The following S100A5 variants were observed in gnomAD, a reference collection of about 807,000 sequenced individuals.
S100A5 encodes protein S100-A5.
In S100A5, 5 loss-of-function variants were observed where a neutral mutation model predicts 6.7. The ratio of observed to expected loss-of-function variants is 0.75; its 90% CI spans 0.39 to 1.57. The LOEUF is 1.57. Ranked by LOEUF, S100A5 falls within the 40% of genes most tolerant of loss-of-function variation. S100A5 has a pLI of 0.03. For synonymous variants in S100A5, 49 were observed against 44.9 expected, an observed-to-expected ratio of 1.09 and a Z score of -0.37; for missense variants, 129 against 110.8, an observed-to-expected ratio of 1.16 and a Z score of -0.74.
At position 153,537,448 on chromosome 1, in the gene S100A5, C is replaced by G. The variant is rs770185092; in HGVS notation, c.139-12G>C. The G allele has an allele frequency of 3.1e-6, 5 of 1,613,580 alleles. No individual in the cohort carries two copies. Among genetic ancestry groups the G allele is most frequent in the Non-Finnish European group, 4.2e-6 (5 of 1,179,852 alleles). ...CTGCTCTCCTTCATCTTTTGTGGAC[C>G]CAGGTGGAGAGACAGCTCAGACCCC... On this transcript the variant is annotated splice_polypyrimidine_tract_variant and intron_variant, in intron 2 of 2. Coordinates refer to ENST00000368717, the MANE Select transcript of S100A5 (RefSeq NM_001394232.1).
At chr1:153,540,996 C>T (rs141328557), upstream of S100A5, among the ~76,000 whole-genome samples, 4 of 152,320 alleles carry the variant, frequency 2.6e-5, no homozygotes, top group African/African-American at 7.2e-5. Flanking sequence ...AGGCAACACC[C>T]ACGGAACTTG....
At chr1:153,539,424 CAAAAAAAAAAAAAAAA>C (rs149327889) in intron 2 of S100A5, among the ~76,000 whole-genome samples, 9 of 35,138 alleles carry the variant, frequency 2.6e-4, no homozygotes, top group African/African-American at 8.8e-4. Context: ...GAGACTCTCT[CAAAAAAAAAAAAAAAA>C]AAAAAAAAAA....
At chr1:153,539,450 A>AAAAAAAAATATAT (rs1553214691) in intron 2 of S100A5, among the ~76,000 whole-genome samples, 1 of 31,196 alleles carries the variant, frequency 3.2e-5, no homozygotes, top group African/African-American at 1.1e-4. Context: ...AAAAAAAAAA[A>AAAAAAAAATATAT]ATATATATAT....
At chr1:153,543,528 T>A, upstream of S100A5, 1 of 526,494 alleles carries the variant, frequency 1.9e-6, no homozygotes, top group South Asian at 2.6e-5. Context: ...CCATAAAACT[T>A]CAGCTCAACT....
At chr1:153,538,692 T>C (rs1665271671) in intron 2 of S100A5, among the ~76,000 whole-genome samples, 1 of 152,148 alleles carries the variant, frequency 6.6e-6, no homozygotes, top group Non-Finnish European at 1.5e-5. Context: ...GTGTGATAGA[T>C]GGAGAGGCAC....
Position 153,537,455 on chromosome 1 carries a change from G to T in S100A5, c.139-19C>A. ...CCTTCATCTTTTGTGGACCCAGGTG[G>T]AGAGACAGCTCAGACCCCGCTCCCA... is the stretch of plus-strand genomic sequence containing the variant. On this transcript the variant is annotated intron_variant, in intron 2 of 2. Coordinates refer to ENST00000368717, the MANE Select transcript of S100A5 (RefSeq NM_001394232.1). 1.2e-6 allele frequency: 2 copies of T among 1,613,502 alleles called. No individual in the cohort carries two copies. Among genetic ancestry groups the T allele is most frequent in the African/African-American group, 1.3e-5 (1 of 75,002 alleles).
At chr1:153,542,447 G>C (rs1253560873), upstream of S100A5, among the ~76,000 whole-genome samples, 1 of 152,188 alleles carries the variant, frequency 6.6e-6, no homozygotes, top group African/African-American at 2.4e-5. Context: ...GGATGGAGAG[G>C]GCAGCGGAAG....
chr1:153,541,458 C>T (rs1356597985), upstream of S100A5: 1 of 1,367,554 alleles, frequency 7.3e-7, no homozygotes, highest in African/African-American at 1.5e-5. Flanking sequence ...CCTTTATTTC[C>T]CTGATCTCTG....
chr1:153,540,229 C>A, intron 1 of S100A5, 24 bp from the exon 2 acceptor site: 1 of 1,612,616 alleles, frequency 6.2e-7, no homozygotes, highest in South Asian at 1.1e-5. Flanking sequence ...GGGGAAGATC[C>A]CATTCCTCAG....
rs774141022 is a variant in S100A5 at position 153,540,163 on chromosome 1, G to A, written c.29C>T (p.Thr10Ile). The change falls in exon 2 of 3, where the codon ACC (threonine) becomes ATC (isoleucine). Residue 10 changes from threonine (T) to isoleucine (I), a missense_variant. Transcript: ENST00000368717. Reference sequence around the variant, plus strand: ...TTTGTGAAACGTGGTCACCATAGTGGTCAGGGCCTTCTCCAGAGGAGTCTC... The same window carrying A: ...TTTGTGAAACGTGGTCACCATAGTGATCAGGGCCTTCTCCAGAGGAGTCTC... METPLEKAL[T>I]TMVTTFHKYS... The A allele has an allele frequency of 6.8e-6, 11 of 1,613,978 alleles. 1 individual carries two copies. The South Asian group carries it at 1.2e-4, about 18-fold the overall frequency.
rs1385387949 is a variant in S100A5 at position 153,540,934 on chromosome 1, T to G, written c.-328A>C. ...ACCCTCAGCCAAGGGAAGAGACAGATGGAGCTCAAGTGACTCAGACTCAAA... is the reference window on the plus strand; with the variant it reads ...ACCCTCAGCCAAGGGAAGAGACAGAGGGAGCTCAAGTGACTCAGACTCAAA... On this transcript the variant is annotated 5_prime_UTR_variant, in exon 1 of 3. Coordinates refer to ENST00000368717, the MANE Select transcript of S100A5 (RefSeq NM_001394232.1). Among the ~76,000 whole-genome samples, 1 of 152,120 alleles carries G rather than the reference T, an allele frequency of 6.6e-6. No homozygotes were observed. Among genetic ancestry groups the G allele is most frequent in the Non-Finnish European group, 1.5e-5 (1 of 68,022 alleles).
intron 2 of S100A5, among the ~76,000 whole-genome samples, chr1:153,539,442 A>G (rs1443390333): frequency 8.9e-6 from 1 of 112,482 alleles, no homozygotes; most frequent in Non-Finnish European, 1.7e-5. Flanking sequence ...AAAAAAAAAA[A>G]AAAAAAAAAT....
Position 153,540,119 on chromosome 1 carries a change from T to C in S100A5, c.73A>G (p.Ser25Gly), listed in dbSNP as rs1665336082. The change falls in exon 2 of 3, where the codon AGC (serine) becomes GGC (glycine). Residue 25 changes from serine to glycine, a missense_variant. Transcript: ENST00000368717. ...TCCTTCCTACTCAGGGTCAGTTTGCTACCCTCTCTCCCCGAATATTTGTGA... is the reference window on the plus strand; with the variant it reads ...TCCTTCCTACTCAGGGTCAGTTTGCCACCCTCTCTCCCCGAATATTTGTGA... Reference protein sequence around the residue: ...TFHKYSGREGSKLTLSRKELK... With the variant: ...TFHKYSGREGGKLTLSRKELK... The C allele has an allele frequency of 1.6e-5, 26 of 1,614,066 alleles. No individual in the cohort carries two copies. In the East Asian group the frequency reaches 5.8e-4, roughly 36 times the overall value.
upstream of S100A5, chr1:153,543,389 C>A: frequency 1.5e-6 from 1 of 684,688 alleles, no homozygotes; most frequent in Non-Finnish European, 1.8e-6. Flanking sequence ...CTGGGACCTT[C>A]CAAACCTTGG....
intron 2 of S100A5, among the ~76,000 whole-genome samples, chr1:153,539,165 C>T (rs1340750109): frequency 3.3e-5 from 5 of 151,408 alleles, no homozygotes; most frequent in South Asian, 2.1e-4. Flanking sequence ...CAGTGGCTCA[C>T]GCCTGTAATC....
upstream of S100A5, chr1:153,541,461 G>A (rs751728791): frequency 7.3e-7 from 1 of 1,367,580 alleles, no homozygotes; most frequent in Non-Finnish European, 9.8e-7. Context: ...TTATTTCCCT[G>A]ATCTCTGTCC....
chr1:153,543,457 G>T (rs1665451280), upstream of S100A5, among the ~76,000 whole-genome samples: 1 of 152,002 alleles, frequency 6.6e-6, no homozygotes, highest in African/African-American at 2.4e-5. Context: ...GAACTCTATT[G>T]CCTGTGCACA....
upstream of S100A5, chr1:153,543,212 C>T: frequency 1.0e-6 from 1 of 985,386 alleles, no homozygotes; most frequent in Admixed American, 6.1e-5. Flanking sequence ...CCCTGCAACT[C>T]AGCCTTATTC....
intron 2 of S100A5, among the ~76,000 whole-genome samples, chr1:153,537,692 C>T (rs1338985548): frequency 1.3e-5 from 2 of 152,194 alleles, no homozygotes; most frequent in Non-Finnish European, 2.9e-5. Context: ...CCTGCCTTCC[C>T]TGCAATACTG....
Sources: gnomAD v4.1 joint callset for allele counts (sites outside exome capture counted in the v4.1 genomes callset) on GRCh38, gnomAD v4.1.1 for gene constraint, MANE v1.5 for transcripts, NCBI Gene and HGNC (gene_info 2026-07-23, HGNC 2026-07-21) for gene names.